Variants in CITED1 observed in about 807,000 individuals in gnomAD.
CITED1 encodes the protein Cbp/p300 interacting transactivator with ED-rich tail 1.
Under a neutral mutation model 8.5 loss-of-function variants are expected in CITED1, and 3 were observed. The ratio of observed to expected loss-of-function variants is 0.35; its 90% CI spans 0.16 to 0.91. The LOEUF is 0.91. Ranked by LOEUF, CITED1 falls within the 40% of genes least tolerant of loss-of-function variation. CITED1 has a pLI of 0.46. For synonymous variants in CITED1, 54 were observed against 67.4 expected (o/e 0.80, Z 0.97); for missense variants, 113 against 154.8 (o/e 0.73, Z 1.43).
intron 2 of CITED1, 73 bp downstream of exon 2, chrX:72,302,737 C>A: frequency 1.1e-6 from 1 of 947,580 alleles, no homozygotes; most frequent in Non-Finnish European, 1.5e-6. Flanking sequence ...GGGTAATGCA[C>A]CTAGGAGGGC....
chrX:72,307,032 C>G (rs1602481770), upstream of CITED1: 1 of 109,957 alleles, frequency 9.1e-6, no homozygotes, highest in Non-Finnish European at 1.9e-5. Flanking sequence ...CACGGAGGGC[C>G]CGCGCGGGTG....
At chrX:72,303,686 G>T (rs551906104) in intron 1 of CITED1, among the ~76,000 whole-genome samples, 2 of 111,680 alleles carry the variant, frequency 1.8e-5, no homozygotes, top group Non-Finnish European at 3.8e-5. Flanking sequence ...TTTTTAGTCA[G>T]GTAGCAGCGG....
At chrX:72,306,785 G>A (rs1306874210), upstream of CITED1, 1 of 95,852 alleles carries the variant, frequency 1.0e-5, no homozygotes, top group Non-Finnish European at 2.1e-5. Context: ...CGGCCACCGC[G>A]CTCCCTTCCC....
At chrX:72,302,724 A>T (rs1236210162) in intron 2 of CITED1, 86 bp downstream of exon 2, 1 of 810,047 alleles carries the variant, frequency 1.2e-6, no homozygotes, top group African/African-American at 2.0e-5. Context: ...GCTCAAGGAC[A>T]CTGGGTAATG....
intron 1 of CITED1, 125 bp from the exon 2 acceptor site, chrX:72,303,059 A>G: frequency 1.1e-6 from 1 of 869,579 alleles, no homozygotes; most frequent in Non-Finnish European, 1.6e-6. Flanking sequence ...AGTTAGAATC[A>G]AGACCAGAGA....
chrX:72,305,762 G>A (rs1196492471), intron 1 of CITED1, 63 bp downstream of exon 1: 2 of 128,748 alleles, frequency 1.6e-5, no homozygotes, highest in South Asian at 2.4e-4. Context: ...AGCCGCCTGC[G>A]GTCAGTGCTA....
chrX:72,302,905 G>A lies in CITED1; in HGVS notation c.-36C>T. ...TGGCAGAAGTTGGATAAATTGGCGG[G>A]AAGTGATGCTGCCAGCTGGAGCTGT... On this transcript the variant is annotated 5_prime_UTR_variant, in exon 2 of 3. Transcript: ENST00000651998. The A allele has an allele frequency of 8.3e-7, 1 of 1,211,425 alleles. No individual in the cohort carries two copies. The highest frequency in any genetic ancestry group is 1.1e-6 in the Non-Finnish European group (1 of 895,232).
intron 1 of CITED1, among the ~76,000 whole-genome samples, chrX:72,304,430 T>C (rs1463861922): frequency 2.7e-5 from 3 of 111,816 alleles, no homozygotes; most frequent in Admixed American, 9.5e-5. Flanking sequence ...GAGGCAACCG[T>C]AGAAAAATAT....
intron 1 of CITED1, chrX:72,304,024 G>A (rs1276223775): frequency 3.5e-6 from 1 of 285,004 alleles, no homozygotes; most frequent in African/African-American, 3.1e-5. Flanking sequence ...ATACCAGGCT[G>A]GGCAACATAG....
At chrX:72,303,898 G>A (rs1480888846) in intron 1 of CITED1, among the ~76,000 whole-genome samples, 2 of 110,780 alleles carry the variant, frequency 1.8e-5, no homozygotes, top group African/African-American at 6.6e-5. Flanking sequence ...TATTTTCCTG[G>A]AGGCCTGTTT....
upstream of CITED1, among the ~76,000 whole-genome samples, chrX:72,306,099 A>C (rs1261545531): frequency 8.9e-6 from 1 of 111,902 alleles, no homozygotes; most frequent in East Asian, 2.9e-4. Flanking sequence ...CTCTTGCCTC[A>C]ATTCCCCGAA....
rs1402256240 is a variant in CITED1 at position 72,304,751 on chromosome X, T to C, written c.-66+1074A>G. On this transcript the variant is annotated intron_variant, in intron 1 of 2. Coordinates refer to ENST00000651998, the MANE Select transcript of CITED1 (RefSeq NM_001144887.2). The stretch of plus-strand genomic sequence containing the variant: ...TATCAGTTCGTGGGGGAAGACCATT[T>C]TACCGCGCCTCCCTCTTCAATCTGG... Among the ~76,000 whole-genome samples the C allele has an allele frequency of 9.0e-5, 10 of 111,670 alleles. No homozygotes were observed. In the East Asian group the frequency reaches 2.8e-3, roughly 31 times the overall value.
intron 1 of CITED1, 98 bp from the exon 2 acceptor site, chrX:72,303,032 G>A (rs2043304445): frequency 1.0e-6 from 1 of 1,003,279 alleles, no homozygotes; most frequent in Non-Finnish European, 1.3e-6. Context: ...GCAGCTATGA[G>A]GCAAGGATGG....
chrX:72,305,043 T>A (rs186036071), intron 1 of CITED1, among the ~76,000 whole-genome samples: 1 of 113,182 alleles, frequency 8.8e-6, no homozygotes, highest in East Asian at 2.8e-4. Flanking sequence ...AGCCGCGAGC[T>A]GACCACTGCG....
intron 1 of CITED1, 146 bp downstream of exon 1, chrX:72,305,679 G>C (rs2147642829): frequency 5.3e-6 from 1 of 188,226 alleles, no homozygotes; most frequent in Admixed American, 7.3e-5. Context: ...TGCCACTCTC[G>C]CGCCTGATCA....
In CITED1 at chrX:72,301,887, C is replaced by CAGA. The variant is rs2043289969; in HGVS notation, c.415_417dup (p.Ser139dup). ...ATGATAGCAGGGCTCTGGGCACCAG[C>CAGA]AGAAGGAGAGAGTGATTCTGCCCCT... On this transcript the variant is annotated inframe_insertion, in exon 3 of 3. Coordinates refer to ENST00000651998, the MANE Select transcript of CITED1 (RefSeq NM_001144887.2). 8.3e-7 allele frequency: 1 copy of CAGA among 1,210,788 alleles called. No homozygotes were observed. The highest frequency in any genetic ancestry group is 2.2e-5 in the Admixed American group (1 of 45,927).
intron 1 of CITED1, chrX:72,305,438 T>C: frequency 1.7e-6 from 1 of 580,623 alleles, no homozygotes; most frequent in South Asian, 2.9e-5. Flanking sequence ...GGCCCGTTGT[T>C]TGCGGACAGC....
rs2043331252 is a variant in CITED1 at position 72,305,683 on chromosome X, C to T, written c.-66+142G>A. On this transcript the variant is annotated intron_variant, in intron 1 of 2. Transcript: ENST00000651998. ...GCGCCGGCTGCTGCCACTCTCGCGCCTGATCAACACTTACTGAGCGCCCGC... is the reference window on the plus strand; with the variant it reads ...GCGCCGGCTGCTGCCACTCTCGCGCTTGATCAACACTTACTGAGCGCCCGC... 6 of 177,947 alleles carry T rather than the reference C, an allele frequency of 3.4e-5. No homozygotes were observed. In the South Asian group the frequency reaches 6.4e-4, roughly 19 times the overall value. 14.7% of individuals were successfully genotyped at this position (177,947 alleles called of 1,213,427 possible). A position where few individuals can be genotyped will look rare whatever the true frequency, so the allele number is the denominator to read the frequency against.
Position 72,301,657 on chromosome X carries a change from G to A in CITED1, c.*66C>T, listed in dbSNP as rs1226960617. 6.8e-6 allele frequency: 8 copies of A among 1,172,836 alleles called. No individual in the cohort carries two copies. In the African/African-American group the frequency reaches 1.4e-4, roughly 21 times the overall value. Reference sequence around the variant, plus strand: ...CTCTAGTTGGCCCGTCTCTTTGTAAGTAACTTTATTTTTATTTACAACAGA... The same window carrying A: ...CTCTAGTTGGCCCGTCTCTTTGTAAATAACTTTATTTTTATTTACAACAGA... On this transcript the variant is annotated 3_prime_UTR_variant, in exon 3 of 3. Transcript: ENST00000651998.
Sources: gnomAD v4.1 joint callset for allele counts (sites outside exome capture counted in the v4.1 genomes callset) on GRCh38, gnomAD v4.1.1 for gene constraint, MANE v1.5 for transcripts, NCBI Gene and HGNC (gene_info 2026-07-23, HGNC 2026-07-21) for gene names.